GPC5: variants seen among roughly 807,000 people sequenced by gnomAD.
GPC5 encodes the protein glypican 5.
GPC5 carries 47 observed loss-of-function variants against 53.9 expected under a neutral mutation model. That is an observed-to-expected ratio of 0.87 (90% CI 0.69 to 1.11). The LOEUF is 1.11. GPC5 is among the 50% of genes most tolerant of loss of function. The pLI is 0.00. For missense variants in GPC5, 748 were observed against 713.1 expected, an observed-to-expected ratio of 1.05 and a Z score of -0.56; for synonymous variants, 286 against 263.3, an observed-to-expected ratio of 1.09 and a Z score of -0.84.
chr13:92,338,611 T>C (rs1030505161), intron 7 of GPC5, among the ~76,000 whole-genome samples: 1 of 152,082 alleles, frequency 6.6e-6, no homozygotes, highest in African/African-American at 2.4e-5. Context: ...ATTACAGGCA[T>C]ATTATTAAAA....
At chr13:92,766,253 A>G (rs943292523) in intron 7 of GPC5, among the ~76,000 whole-genome samples, 2 of 152,158 alleles carry the variant, frequency 1.3e-5, no homozygotes, top group African/African-American at 4.8e-5. Context: ...AAATTGCAAA[A>G]TCCTGACACT....
intron 2 of GPC5, among the ~76,000 whole-genome samples, chr13:91,596,515 ATTG>A (rs1160579987): frequency 6.6e-6 from 1 of 152,072 alleles, no homozygotes; most frequent in Non-Finnish European, 1.5e-5. Context: ...TGTTTTCCTT[ATTG>A]TTTGCATGCC....
At chr13:92,010,051 A>G (rs1373348047) in intron 6 of GPC5, among the ~76,000 whole-genome samples, 2 of 152,234 alleles carry the variant, frequency 1.3e-5, no homozygotes, top group East Asian at 1.9e-4. Context: ...ATAAACATAT[A>G]TAAGGATAAT....
chr13:91,726,923 G>A (rs889314389), intron 3 of GPC5, among the ~76,000 whole-genome samples: 2 of 152,106 alleles, frequency 1.3e-5, no homozygotes, highest in Non-Finnish European at 2.9e-5. Context: ...CCTTTAGCTC[G>A]GTATCCAAGT....
At chr13:91,496,740 G>A (rs1884287294) in intron 2 of GPC5, among the ~76,000 whole-genome samples, 1 of 152,036 alleles carries the variant, frequency 6.6e-6, no homozygotes, top group Non-Finnish European at 1.5e-5. Context: ...GGGTGACTAT[G>A]GCAACAATAA....
intron 7 of GPC5, among the ~76,000 whole-genome samples, chr13:92,396,290 G>A (rs1875266545): frequency 6.6e-6 from 1 of 151,948 alleles, no homozygotes; most frequent in African/African-American, 2.4e-5. Flanking sequence ...TGTTATTTCT[G>A]TTACAATGTT....
At chr13:92,347,252 A>C (rs963688195) in intron 7 of GPC5, among the ~76,000 whole-genome samples, 1 of 152,190 alleles carries the variant, frequency 6.6e-6, no homozygotes, top group Admixed American at 6.5e-5. Context: ...CATAATAATC[A>C]AACTACCAAA....
intron 5 of GPC5, among the ~76,000 whole-genome samples, chr13:91,800,211 A>G (rs2038112303): frequency 6.6e-6 from 1 of 152,116 alleles, no homozygotes; most frequent in African/African-American, 2.4e-5. Flanking sequence ...ATTTATTCAG[A>G]CACTTGTACC....
chr13:92,209,786 A>C (rs1261958927), intron 7 of GPC5, among the ~76,000 whole-genome samples: 1 of 152,174 alleles, frequency 6.6e-6, no homozygotes, highest in Non-Finnish European at 1.5e-5. Flanking sequence ...GGACAGAACT[A>C]ATAGGATAGA....
chr13:92,757,620 T>C (rs979833373), intron 7 of GPC5, among the ~76,000 whole-genome samples: 18 of 151,964 alleles, frequency 1.2e-4, no homozygotes, highest in African/African-American at 2.2e-4. Context: ...ACAATGAACT[T>C]AAACAAATTT....
At chr13:92,015,952 G>C (rs1162227737) in intron 6 of GPC5, among the ~76,000 whole-genome samples, 1 of 152,180 alleles carries the variant, frequency 6.6e-6, no homozygotes, top group African/African-American at 2.4e-5. Flanking sequence ...ACTGCTTCTG[G>C]ATGATGGGTG....
chr13:91,742,391 T>C (rs747337265), intron 4 of GPC5, among the ~76,000 whole-genome samples: 5 of 152,156 alleles, frequency 3.3e-5, no homozygotes, highest in Non-Finnish European at 7.3e-5. Flanking sequence ...CACCTAAAAC[T>C]AATATTAAAA....
intron 7 of GPC5, among the ~76,000 whole-genome samples, chr13:92,478,085 G>A (rs1419995104): frequency 2.0e-5 from 3 of 152,044 alleles, no homozygotes; most frequent in African/African-American, 7.2e-5. Context: ...GCATTTAGCT[G>A]CAATTTGCTT....
At chr13:92,740,741 C>G (rs1419433809) in intron 7 of GPC5, among the ~76,000 whole-genome samples, 2 of 151,454 alleles carry the variant, frequency 1.3e-5, no homozygotes, top group South Asian at 2.1e-4. Flanking sequence ...AGCAAAGAAC[C>G]AAGGTAGGAA....
In GPC5 at chr13:91,908,156, C is replaced by G. The variant is rs372608677; in HGVS notation, c.1401+99C>G. On this transcript the variant is annotated intron_variant, in intron 6 of 7. Coordinates refer to ENST00000377067, the MANE Select transcript of GPC5 (RefSeq NM_004466.6). ...AAATTTGTTAATCCTGTCAGATAAT[C>G]CTACCTAAAATATTGTAACACACTT... The G allele has an allele frequency of 7.2e-6, 7 of 975,794 alleles. No individual in the cohort carries two copies. In the African/African-American group the frequency reaches 1.2e-4, roughly 17 times the overall value. 60.4% of individuals were successfully genotyped at this position (975,794 alleles called of 1,614,324 possible).
chr13:91,795,682 C>T (rs1854977), intron 5 of GPC5, among the ~76,000 whole-genome samples: 42,388 of 151,830 alleles, frequency 0.28, 6,604 homozygotes, highest in African/African-American at 0.39. Context: ...TCATAGCTTG[C>T]GAGTATACTT....
At chr13:91,940,810 T>C (rs1168100503) in intron 6 of GPC5, among the ~76,000 whole-genome samples, 4 of 152,188 alleles carry the variant, frequency 2.6e-5, no homozygotes, top group Admixed American at 1.3e-4. Flanking sequence ...GAAGCGTCTG[T>C]TCGTGTCCTT....
At chr13:91,614,005 G>T (rs925575641) in intron 2 of GPC5, among the ~76,000 whole-genome samples, 3 of 152,204 alleles carry the variant, frequency 2.0e-5, no homozygotes, top group Admixed American at 2.0e-4. Flanking sequence ...ATGGTACTTC[G>T]AACAGAGTGA....
intron 7 of GPC5, among the ~76,000 whole-genome samples, chr13:92,822,210 T>C (rs1877697194): frequency 6.6e-6 from 1 of 152,146 alleles, no homozygotes; most frequent in Non-Finnish European, 1.5e-5. Flanking sequence ...ATTAATATTA[T>C]CTGTCAAATT....
Sources: gnomAD v4.1 joint callset for allele counts (sites outside exome capture counted in the v4.1 genomes callset) on GRCh38, gnomAD v4.1.1 for gene constraint, MANE v1.5 for transcripts, NCBI Gene and HGNC (gene_info 2026-07-23, HGNC 2026-07-21) for gene names.